The following STK32B variants were observed in gnomAD, a reference collection of about 807,000 sequenced individuals.
STK32B encodes the protein serine/threonine kinase 32B, also known as serine/threonine-protein kinase 32B.
Under a neutral mutation model 52.6 loss-of-function variants are expected in STK32B, and 43 were observed. The ratio of observed to expected loss-of-function variants is 0.82; its 90% CI spans 0.64 to 1.05. The LOEUF is 1.05. Ranked by LOEUF, STK32B falls within the 50% of genes least tolerant of loss-of-function variation. The pLI is 0.00. For synonymous variants in STK32B, 238 were observed against 204.3 expected (o/e 1.17, Z -1.41); for missense variants, 621 against 534.6 (o/e 1.16, Z -1.59).
chr4:5,177,721 T>G (rs895783485), intron 3 of STK32B, among the ~76,000 whole-genome samples: 1 of 152,092 alleles, frequency 6.6e-6, no homozygotes, highest in South Asian at 2.1e-4. Flanking sequence ...ATGGGAGAAA[T>G]TGGCCAAAAC....
chr4:5,022,812 A>G, the STK32B span, among the ~76,000 whole-genome samples: 1 of 152,064 alleles, frequency 6.6e-6, no homozygotes, highest in Admixed American at 6.5e-5. Context: ...GGGTGAAAAG[A>G]CAGTGAATGA....
In STK32B at chr4:5,394,840, T is replaced by A. The variant is rs1183843142; in HGVS notation, c.435-3367T>A. Among the ~76,000 whole-genome samples, 1 of 152,260 alleles carries A rather than the reference T, an allele frequency of 6.6e-6. No individual in the cohort carries two copies. Among genetic ancestry groups the A allele is most frequent in the African/African-American group, 2.4e-5 (1 of 41,474 alleles). ...TCATATAGCTAGAGAATTAGTTTTC[T>A]ATTGTTGTGAAACTAATTACCACTA... is the stretch of plus-strand genomic sequence containing the variant. On this transcript the variant is annotated intron_variant, in intron 4 of 11. Transcript: ENST00000282908. The surrounding 1 kb of genome is among the most constrained non-coding windows in gnomAD (Gnocchi z 4.2).
intron 3 of STK32B, among the ~76,000 whole-genome samples, chr4:5,256,185 C>CCA (rs61336446): frequency 0.12 from 18,717 of 152,096 alleles, 3,160 homozygotes; most frequent in African/African-American, 0.38. Flanking sequence ...CTTCCCGGGA[C>CCA]CACACAGTTA....
At chr4:5,127,222 C>T in intron 1 of STK32B, 1 of 455,942 alleles carries the variant, frequency 2.2e-6, no homozygotes, top group East Asian at 6.8e-5. Context: ...TTGAGCGTCC[C>T]AGAAAATTTA....
chr4:5,393,787 A>G (rs562470321), intron 4 of STK32B, among the ~76,000 whole-genome samples: 24 of 152,230 alleles, frequency 1.6e-4, no homozygotes, highest in Admixed American at 1.5e-3. Flanking sequence ...GCGGGAACAC[A>G]GATCCAAACC....
chr4:5,319,952 A>G (rs1056382394), intron 3 of STK32B, among the ~76,000 whole-genome samples: 2 of 152,146 alleles, frequency 1.3e-5, no homozygotes, highest in Non-Finnish European at 2.9e-5. Flanking sequence ...CAACTTACTG[A>G]GAAACCTAAA....
intron 1 of STK32B, among the ~76,000 whole-genome samples, chr4:5,127,900 T>C (rs1715503800): frequency 6.6e-6 from 1 of 151,748 alleles, no homozygotes. Context: ...CGAGATCTGA[T>C]GGTTTTATAA....
intron 11 of STK32B, among the ~76,000 whole-genome samples, chr4:5,474,003 A>G (rs1410384649): frequency 6.6e-6 from 1 of 152,130 alleles, no homozygotes; most frequent in African/African-American, 2.4e-5. Flanking sequence ...AATCCCAGCT[A>G]CTTGGGAGGC....
At position 5,399,766 on chromosome 4, in the gene STK32B, T is replaced by C. The variant is rs113575718; in HGVS notation, c.472+1522T>C. ...GACCCACCTTGCAGGGTGGTGAATG[T>C]CTCATCTCGGGTGAGACTCGAAGGT... On this transcript the variant is annotated intron_variant, in intron 5 of 11. Coordinates refer to ENST00000282908, the MANE Select transcript of STK32B (RefSeq NM_018401.3). This position sits in a 1 kb window ranked among gnomAD's most constrained non-coding sequence, Gnocchi z 5.4. Among the ~76,000 whole-genome samples the C allele has an allele frequency of 3.3e-5, 5 of 152,232 alleles. No homozygotes were observed. The highest frequency in any genetic ancestry group is 9.6e-5 in the African/African-American group (4 of 41,536).
At chr4:5,303,580 T>C in intron 3 of STK32B, among the ~76,000 whole-genome samples, 1 of 152,170 alleles carries the variant, frequency 6.6e-6, no homozygotes, top group East Asian at 1.9e-4. Context: ...ATTCTGGATA[T>C]TAGTCCTTTC....
In STK32B at chr4:5,399,988, A is replaced by G. The variant is rs913527824; in HGVS notation, c.472+1744A>G. Among the ~76,000 whole-genome samples the G allele has an allele frequency of 3.3e-5, 5 of 152,064 alleles. No individual in the cohort carries two copies. The highest frequency in any genetic ancestry group is 2.6e-4 in the Admixed American group (4 of 15,282). ...AGGCTGGGTTCCAGGCAGCATCCTC[A>G]AGGCTCTGTCCTATTAAGAGAGACC... On this transcript the variant is annotated intron_variant, in intron 5 of 11. Transcript: ENST00000282908. The surrounding 1 kb of genome is among the most constrained non-coding windows in gnomAD (Gnocchi z 5.4).
At chr4:5,323,272 A>T (rs1480332401) in intron 3 of STK32B, among the ~76,000 whole-genome samples, 1 of 152,158 alleles carries the variant, frequency 6.6e-6, no homozygotes, top group African/African-American at 2.4e-5. Flanking sequence ...TCCGAGGCAC[A>T]GGAAACGGTG....
At chr4:5,196,863 C>T (rs1721720039) in intron 3 of STK32B, among the ~76,000 whole-genome samples, 1 of 152,152 alleles carries the variant, frequency 6.6e-6, no homozygotes, top group African/African-American at 2.4e-5. Flanking sequence ...GCACAGCACT[C>T]CACGGCCCTA....
At chr4:5,358,499 G>A (rs1354309) in intron 4 of STK32B, among the ~76,000 whole-genome samples, 15,282 of 151,994 alleles carry the variant, frequency 0.1, 1,214 homozygotes, top group Admixed American at 0.21. Context: ...TCTTTCATTC[G>A]TTAATCTAGG....
intron 4 of STK32B, among the ~76,000 whole-genome samples, chr4:5,383,547 G>C (rs1222505938): frequency 6.6e-6 from 1 of 152,206 alleles, no homozygotes; most frequent in African/African-American, 2.4e-5. Flanking sequence ...AGCAGAGCAG[G>C]CCTCTCAATC....
At chr4:5,135,200 C>T (rs895145433) in intron 1 of STK32B, among the ~76,000 whole-genome samples, 1 of 152,194 alleles carries the variant, frequency 6.6e-6, no homozygotes, top group African/African-American at 2.4e-5. Flanking sequence ...ATAGCAATAC[C>T]TAAATGCTTA....
chr4:5,231,765 A>G (rs1234248255), intron 3 of STK32B, among the ~76,000 whole-genome samples: 1 of 152,196 alleles, frequency 6.6e-6, no homozygotes, highest in Non-Finnish European at 1.5e-5. Flanking sequence ...AGCAGAGGAT[A>G]CAAGGGTGAC....
At chr4:5,415,164 C>T (rs749574133) in intron 5 of STK32B, among the ~76,000 whole-genome samples, 11 of 152,142 alleles carry the variant, frequency 7.2e-5, no homozygotes, top group Admixed American at 3.3e-4. Flanking sequence ...AGCCACTCCT[C>T]GGCAGGATAA....
intron 3 of STK32B, among the ~76,000 whole-genome samples, chr4:5,246,600 G>A (rs1457122277): frequency 6.6e-6 from 1 of 152,150 alleles, no homozygotes; most frequent in African/African-American, 2.4e-5. Context: ...GTCCAGCTTT[G>A]TTCTGTTGCT....
Sources: gnomAD v4.1 joint callset for allele counts (sites outside exome capture counted in the v4.1 genomes callset) on GRCh38, gnomAD v4.1.1 for gene constraint, Gnocchi (gnomAD v3.1) non-coding constraint, MANE v1.5 for transcripts, NCBI Gene and HGNC (gene_info 2026-07-23, HGNC 2026-07-21) for gene names.